Variants in SLC34A2 observed in about 807,000 individuals in gnomAD.
SLC34A2 encodes the protein sodium-dependent phosphate transport protein 2B.
A neutral mutation model predicts 50.8 loss-of-function variants in SLC34A2; 41 were observed. The ratio of observed to expected loss-of-function variants is 0.81; its 90% CI spans 0.63 to 1.05. The LOEUF is 1.05. Ranked by LOEUF, SLC34A2 falls within the 50% of genes least tolerant of loss-of-function variation. SLC34A2 has a pLI of 0.00. For synonymous variants in SLC34A2, 401 were observed against 364.2 expected, an observed-to-expected ratio of 1.10 and a Z score of -1.15; for missense variants, 879 against 876.7, an observed-to-expected ratio of 1.00 and a Z score of -0.03.
intron 10 of SLC34A2, among the ~76,000 whole-genome samples, chr4:25,673,997 C>T (rs902408036): frequency 6.6e-6 from 1 of 151,218 alleles, no homozygotes; most frequent in Non-Finnish European, 1.5e-5. Context: ...AGGAAGCATG[C>T]TCTCAGCACT....
At position 25,669,858 on chromosome 4, in the gene SLC34A2, CAGAG is replaced by C; in HGVS notation, c.831+22_831+25del. The C allele has an allele frequency of 6.2e-7, 1 of 1,609,692 alleles. No individual in the cohort carries two copies. The highest frequency in any genetic ancestry group is 8.5e-7 in the Non-Finnish European group (1 of 1,175,982). The stretch of plus-strand genomic sequence containing the variant: ...CATTGTCCAGGTAACTTAGCTCCTT[CAGAG>C]AGAGAAGGAGACTAACTTCCTACCC... On this transcript the variant is annotated intron_variant, in intron 7 of 12. Coordinates refer to ENST00000382051, the MANE Select transcript of SLC34A2 (RefSeq NM_006424.3).
At chr4:25,675,620 C>T (rs997620527) in intron 12 of SLC34A2, among the ~76,000 whole-genome samples, 9 of 152,188 alleles carry the variant, frequency 5.9e-5, no homozygotes, top group African/African-American at 2.2e-4. Flanking sequence ...AAACCATTAT[C>T]ACTTTAATAT....
chr4:25,662,560 G>A lies in SLC34A2; in HGVS notation c.60G>A (p.Gly20=). Residue 20 remains glycine (G), a synonymous_variant, in exon 2 of 13, where the codon GGG becomes GGA. Coordinates refer to ENST00000382051, the MANE Select transcript of SLC34A2 (RefSeq NM_006424.3). ...CCAACCCCGATAAGTACCTCGAAGG[G>A]GCCGCAGGTCAGCAGCCCACTGCCC... is the stretch of plus-strand genomic sequence containing the variant. The part of the protein sequence containing the change: ...AQPNPDKYLE[G]AAGQQPTAPD... 6.2e-6 allele frequency: 10 copies of A among 1,614,026 alleles called. No homozygotes were observed. Among genetic ancestry groups the A allele is most frequent in the Non-Finnish European group, 8.5e-6 (10 of 1,180,004 alleles).
At position 25,676,801 on chromosome 4, in the gene SLC34A2, C is replaced by T; in HGVS notation, c.*52C>T. ...GGGGATGGTCCTTGAGTTTTGCATGCTCTCCTCCCTCCCACTTCTGCACCC... is the reference window on the plus strand; with the variant it reads ...GGGGATGGTCCTTGAGTTTTGCATGTTCTCCTCCCTCCCACTTCTGCACCC... On this transcript the variant is annotated 3_prime_UTR_variant, in exon 13 of 13. Coordinates refer to ENST00000382051, the MANE Select transcript of SLC34A2 (RefSeq NM_006424.3). 6.2e-7 allele frequency: 1 copy of T among 1,611,232 alleles called. No homozygotes were observed. Among genetic ancestry groups the T allele is most frequent in the Non-Finnish European group, 8.5e-7 (1 of 1,178,612 alleles).
At chr4:25,668,515 G>A (rs771449974) in intron 6 of SLC34A2, among the ~76,000 whole-genome samples, 21 of 152,024 alleles carry the variant, frequency 1.4e-4, no homozygotes, top group Non-Finnish European at 2.1e-4. Context: ...GGTTGCCAGC[G>A]TCTGTAATCC....
chr4:25,673,327 C>A, intron 10 of SLC34A2, 73 bp downstream of exon 10: 1 of 1,407,822 alleles, frequency 7.1e-7, no homozygotes, highest in Non-Finnish European at 1.0e-6. Flanking sequence ...TTTAGATTCC[C>A]ATCTAGCAAT....
In SLC34A2 at chr4:25,656,046, T is replaced by G. The variant is rs183402632; in HGVS notation, c.-4+156T>G. 3.3e-5 allele frequency among the ~76,000 whole-genome samples: 5 copies of G among 152,290 alleles called. No homozygotes were observed. In the East Asian group the frequency reaches 9.6e-4, roughly 29 times the overall value. Reference sequence around the variant, plus strand: ...CACAAAGCTCTCCACAATGTTCAAGTTGTTTTCTTCTTAATGTTACGGTTA... The same window carrying G: ...CACAAAGCTCTCCACAATGTTCAAGGTGTTTTCTTCTTAATGTTACGGTTA... On this transcript the variant is annotated intron_variant, in intron 1 of 12. Transcript: ENST00000382051.
At chr4:25,669,935 A>T in intron 7 of SLC34A2, 93 bp downstream of exon 7, 1 of 1,169,098 alleles carries the variant, frequency 8.6e-7, no homozygotes, top group African/African-American at 1.5e-5. Flanking sequence ...CTACAACACT[A>T]TTCTGGGCCT....
chr4:25,676,204 C>T lies in SLC34A2; in HGVS notation c.1528C>T (p.Leu510=), dbSNP rs376563536. The change falls in exon 13 of 13, where the codon CTG becomes TTG. Residue 510 remains leucine, a synonymous_variant. Coordinates refer to ENST00000382051, the MANE Select transcript of SLC34A2 (RefSeq NM_006424.3). ...LLWYPIPFTR[L]PIRMAKGLGN... is the part of the protein sequence containing the mutation. ...GTGGTACCCGATCCCGTTCACTCGC[C>T]TGCCCATCCGCATGGCCAAGGGGCT... The T allele has an allele frequency of 3.1e-6, 5 of 1,614,126 alleles. No individual in the cohort carries two copies. In the Admixed American group the frequency reaches 5.0e-5, roughly 16 times the overall value.
At chr4:25,668,434 C>T (rs34005816) in intron 6 of SLC34A2, among the ~76,000 whole-genome samples, 5,061 of 152,208 alleles carry the variant, frequency 0.033, 345 homozygotes, top group East Asian at 0.32. Flanking sequence ...GGGTGGATCG[C>T]CTGAGGTCAG....
At chr4:25,675,582 A>G (rs1420798608) in intron 12 of SLC34A2, among the ~76,000 whole-genome samples, 1 of 152,244 alleles carries the variant, frequency 6.6e-6, no homozygotes, top group Non-Finnish European at 1.5e-5. Context: ...AAACAGGCTG[A>G]TTCATTCTTC....
intron 6 of SLC34A2, among the ~76,000 whole-genome samples, chr4:25,668,416 G>C (rs1040778555): frequency 6.6e-5 from 10 of 152,184 alleles, no homozygotes; most frequent in African/African-American, 2.4e-4. Flanking sequence ...ACTCTGGGAG[G>C]CCCAGGCGGG....
At chr4:25,660,957 G>C (rs973315598) in intron 1 of SLC34A2, among the ~76,000 whole-genome samples, 3 of 152,214 alleles carry the variant, frequency 2.0e-5, no homozygotes, top group Non-Finnish European at 4.4e-5. Flanking sequence ...ATTGTCTAAT[G>C]TCAAAGAACA....
Position 25,676,549 on chromosome 4 carries a change from T to G in SLC34A2, c.1873T>G (p.Cys625Gly). 2 of 1,612,800 alleles carry G rather than the reference T, an allele frequency of 1.2e-6. No homozygotes were observed. Among genetic ancestry groups the G allele is most frequent in the Non-Finnish European group, 1.7e-6 (2 of 1,178,990 alleles). ...QMRCCCCCRV[C>G]CRACCLLCDC... ...GCGCTGCTGCTGCTGCTGCCGCGTGTGCTGCCGCGCGTGCTGCTTGCTGTG... is the reference window on the plus strand; with the variant it reads ...GCGCTGCTGCTGCTGCTGCCGCGTGGGCTGCCGCGCGTGCTGCTTGCTGTG... Residue 625 changes from cysteine to glycine, a missense_variant, in exon 13 of 13, where the codon TGC becomes GGC. Transcript: ENST00000382051.
chr4:25,667,293 C>T (rs1714550435), intron 5 of SLC34A2, among the ~76,000 whole-genome samples: 1 of 152,198 alleles, frequency 6.6e-6, no homozygotes, highest in Non-Finnish European at 1.5e-5. Flanking sequence ...GGGAGGCTCA[C>T]CTGAGGTTGG....
chr4:25,657,374 G>A (rs1026233235), intron 1 of SLC34A2, among the ~76,000 whole-genome samples: 5 of 152,084 alleles, frequency 3.3e-5, no homozygotes, highest in East Asian at 1.9e-4. Flanking sequence ...TCTGGGGACC[G>A]CAGGGAGCAA....
Position 25,676,763 on chromosome 4 carries a change from T to C in SLC34A2, c.*14T>C. 3 of 1,614,022 alleles carry C rather than the reference T, an allele frequency of 1.9e-6. No individual in the cohort carries two copies. The highest frequency in any genetic ancestry group is 2.5e-6 in the Non-Finnish European group (3 of 1,180,000). ...ACGGCCTTGTAGGGGACGCCCCAGA[T>C]TGTCAGGGATGGGGGGATGGTCCTT... On this transcript the variant is annotated 3_prime_UTR_variant, in exon 13 of 13. Coordinates refer to ENST00000382051, the MANE Select transcript of SLC34A2 (RefSeq NM_006424.3).
chr4:25,677,209 G>T lies in SLC34A2; in HGVS notation c.*460G>T, dbSNP rs1715189261. 5.7e-6 allele frequency: 1 copy of T among 176,466 alleles called. No homozygotes were observed. Among genetic ancestry groups the T allele is most frequent in the African/African-American group, 2.4e-5 (1 of 42,342 alleles). The allele number at this position is 176,466 out of a possible 1,614,324, so 10.9% of individuals were successfully genotyped here. ...TTAAACCAAAGTCTGGCAACCAAGA[G>T]CAGCAGCTCCATGGCCTCCTTGCCC... On this transcript the variant is annotated 3_prime_UTR_variant, in exon 13 of 13. Transcript: ENST00000382051.
At chr4:25,661,550 G>A (rs763093254) in intron 1 of SLC34A2, among the ~76,000 whole-genome samples, 21 of 151,890 alleles carry the variant, frequency 1.4e-4, no homozygotes, top group Non-Finnish European at 2.9e-4. Flanking sequence ...ACCATCCCCT[G>A]CTAATTTTTG....
Sources: allele counts gnomAD v4.1 joint callset (sites outside exome capture counted in the v4.1 genomes callset), GRCh38; gene constraint gnomAD v4.1.1; transcripts MANE v1.5; gene names NCBI Gene and HGNC (gene_info 2026-07-23, HGNC 2026-07-21).